Variants in AGBL1 observed in about 807,000 individuals in gnomAD.
AGBL1 encodes AGBL carboxypeptidase 1.
Under a neutral mutation model 118.9 loss-of-function variants are expected in AGBL1, and 130 were observed. The observed-to-expected ratio is 1.09, with a 90% CI of 0.95 to 1.26. The LOEUF is 1.26. Ranked by LOEUF, AGBL1 falls within the 50% of genes most tolerant of loss-of-function variation. The probability of loss-of-function intolerance (pLI) is 0.00; values close to 1 mark genes in which losing one functional copy is unlikely to be tolerated. For synonymous variants in AGBL1, 555 were observed against 478.9 expected, an observed-to-expected ratio of 1.16 and a Z score of -2.08; for missense variants, 1,584 against 1,298.1, an observed-to-expected ratio of 1.22 and a Z score of -3.38.
chr15:87,006,456 T>C (rs1285898873), intron 24 of AGBL1, among the ~76,000 whole-genome samples: 1 of 152,152 alleles, frequency 6.6e-6, no homozygotes, highest in Non-Finnish European at 1.5e-5. Flanking sequence ...GTGCTAGCCA[T>C]GAGTGAGGCT....
Position 86,554,463 on chromosome 15 carries a change from T to C in AGBL1, c.2920T>C (p.Trp974Arg). ...SRASTARVVV[W>R]REMGVSRSYT... ...AGCTTCCACGGCCCGGGTGGTGGTG[T>C]GGAGAGAGATGGGGGTGTCCAGAAG... The change falls in exon 21 of 23, where the codon TGG (tryptophan) becomes CGG (arginine). Residue 974 changes from tryptophan to arginine, a missense_variant. By Grantham distance (101) the Trp-to-Arg change is moderately radical. Transcript: ENST00000614907. The C allele has an allele frequency of 6.3e-7, 1 of 1,587,632 alleles. No individual in the cohort carries two copies. Among genetic ancestry groups the C allele is most frequent in the Non-Finnish European group, 8.6e-7 (1 of 1,167,208 alleles).
At chr15:86,473,569 A>T (rs1400380461) in intron 18 of AGBL1, among the ~76,000 whole-genome samples, 1 of 152,162 alleles carries the variant, frequency 6.6e-6, no homozygotes, top group Non-Finnish European at 1.5e-5. Context: ...TTTTTAAAAA[A>T]GGTCATGTGT....
At chr15:86,533,892 C>T (rs1345735414) in intron 19 of AGBL1, among the ~76,000 whole-genome samples, 1 of 88,068 alleles carries the variant, frequency 1.1e-5, no homozygotes, top group African/African-American at 5.2e-5. Context: ...TATTCTCACT[C>T]ATAGGTGGGA....
At chr15:86,990,869 G>C (rs2081330813) in intron 24 of AGBL1, among the ~76,000 whole-genome samples, 1 of 152,166 alleles carries the variant, frequency 6.6e-6, no homozygotes, top group African/African-American at 2.4e-5. Flanking sequence ...AGGTTTATAG[G>C]CTGTCTGGGG....
intron 18 of AGBL1, among the ~76,000 whole-genome samples, chr15:86,443,703 T>TC (rs1279198353): frequency 6.6e-6 from 1 of 152,224 alleles, no homozygotes; most frequent in Non-Finnish European, 1.5e-5. Flanking sequence ...ACATAGTATT[T>TC]CTTTTTTTGT....
intron 23 of AGBL1, among the ~76,000 whole-genome samples, chr15:86,927,172 T>C (rs1435926298): frequency 4.0e-5 from 6 of 151,550 alleles, no homozygotes; most frequent in African/African-American, 1.5e-4. Flanking sequence ...AATAATAAAA[T>C]AAAATAAAAT....
intron 18 of AGBL1, among the ~76,000 whole-genome samples, chr15:86,421,012 T>G (rs1349570759): frequency 6.6e-6 from 1 of 152,102 alleles, no homozygotes; most frequent in Non-Finnish European, 1.5e-5. Context: ...ACGGGGAGAA[T>G]GGAACCAAGT....
At chr15:86,888,947 A>T (rs2080012014) in intron 22 of AGBL1, among the ~76,000 whole-genome samples, 2 of 152,202 alleles carry the variant, frequency 1.3e-5, no homozygotes, top group Non-Finnish European at 2.9e-5. Flanking sequence ...GGACAAGACT[A>T]ACAATATATA....
At chr15:86,415,684 T>C (rs534292106) in intron 18 of AGBL1, among the ~76,000 whole-genome samples, 33 of 152,296 alleles carry the variant, frequency 2.2e-4, no homozygotes, top group African/African-American at 7.2e-4. Context: ...TTAATATTAA[T>C]TGTCATTAAC....
chr15:86,470,800 T>C (rs2082469920), intron 18 of AGBL1, among the ~76,000 whole-genome samples: 1 of 152,024 alleles, frequency 6.6e-6, no homozygotes, highest in Admixed American at 6.6e-5. Flanking sequence ...GTAAATGGGA[T>C]TGTTTGATTG....
At chr15:86,988,996 C>CTTTT (rs762271338) in intron 24 of AGBL1, among the ~76,000 whole-genome samples, 1 of 114,356 alleles carries the variant, frequency 8.7e-6, no homozygotes, top group African/African-American at 3.3e-5. Flanking sequence ...TTTCCCCCTG[C>CTTTT]TTTTTTTTTT....
At chr15:86,727,952 G>C (rs1352371051) in intron 22 of AGBL1, among the ~76,000 whole-genome samples, 2 of 152,196 alleles carry the variant, frequency 1.3e-5, no homozygotes, top group Non-Finnish European at 2.9e-5. Context: ...GTGACTTACT[G>C]TGTACCCATA....
chr15:86,992,816 G>A (rs1477773303), intron 24 of AGBL1, among the ~76,000 whole-genome samples: 1 of 151,948 alleles, frequency 6.6e-6, no homozygotes, highest in Non-Finnish European at 1.5e-5. Context: ...TGGCTATCTG[G>A]TGCATACTAA....
intron 17 of AGBL1, among the ~76,000 whole-genome samples, chr15:86,346,495 C>T (rs749993864): frequency 5.3e-5 from 8 of 151,880 alleles, no homozygotes; most frequent in South Asian, 4.2e-4. Context: ...TACAGGCGCC[C>T]GCCACCATGC....
At chr15:86,619,197 T>A (rs1032223574) in intron 21 of AGBL1, among the ~76,000 whole-genome samples, 1 of 152,120 alleles carries the variant, frequency 6.6e-6, no homozygotes, top group African/African-American at 2.4e-5. Context: ...AATTATAACG[T>A]CAAGCATATA....
At position 86,160,128 on chromosome 15, in the gene AGBL1, C is replaced by CTGTGGTTTTTT. The variant is rs2077247199; in HGVS notation, c.488+1102_488+1103insTGTGGTTTTTT. The stretch of plus-strand genomic sequence containing the variant: ...TTTTTTTTTTTTTTTTTTGAGATCA[C>CTGTGGTTTTTT]CTTTTTTAGGGGAAGGAGGGGTCAG... On this transcript the variant is annotated intron_variant, in intron 5 of 22. Coordinates refer to ENST00000614907, the MANE Select transcript of AGBL1 (RefSeq NM_001386094.1). Among the ~76,000 whole-genome samples the CTGTGGTTTTTT allele has an allele frequency of 8.9e-5, 11 of 123,888 alleles. No homozygotes were observed. In the East Asian group the frequency reaches 1.4e-3, roughly 15 times the overall value. 81.3% of individuals were successfully genotyped at this position (123,888 alleles called of 152,430 possible). A position where few individuals can be genotyped will look rare whatever the true frequency, so the allele number is the denominator to read the frequency against.
intron 22 of AGBL1, among the ~76,000 whole-genome samples, chr15:86,759,052 A>G (rs116264498): frequency 6.6e-6 from 1 of 152,044 alleles, no homozygotes; most frequent in East Asian, 1.9e-4. Flanking sequence ...TACTTGATAT[A>G]GATTTCTTTG....
At chr15:86,134,160 A>G (rs951533592) in intron 1 of AGBL1, among the ~76,000 whole-genome samples, 2 of 152,180 alleles carry the variant, frequency 1.3e-5, no homozygotes, top group African/African-American at 4.8e-5. Flanking sequence ...TTATATAACC[A>G]TTTTTAGTAA....
intron 18 of AGBL1, among the ~76,000 whole-genome samples, chr15:86,413,633 G>C (rs1240508493): frequency 1.3e-5 from 2 of 151,664 alleles, no homozygotes; most frequent in Non-Finnish European, 2.9e-5. Flanking sequence ...AGTGGTGTTG[G>C]GTATTTTTTA....
Sources: gnomAD v4.1 joint callset for allele counts (sites outside exome capture counted in the v4.1 genomes callset) on GRCh38, gnomAD v4.1.1 for gene constraint, MANE v1.5 for transcripts, NCBI Gene and HGNC (gene_info 2026-07-23, HGNC 2026-07-21) for gene names.